Variants in APOD observed in about 807,000 individuals in gnomAD.
The protein encoded by APOD is apolipoprotein D.
Under a neutral mutation model 20.4 loss-of-function variants are expected in APOD, and 22 were observed. The observed-to-expected ratio is 1.08, with a 90% CI of 0.77 to 1.54. The LOEUF (loss-of-function observed/expected upper bound fraction) is 1.54, where lower values mean the gene tolerates loss of function less well. APOD is among the 40% of genes most tolerant of loss of function. APOD has a pLI of 0.00. For synonymous variants in APOD, 97 were observed against 92.4 expected (o/e 1.05, Z -0.29); for missense variants, 223 against 229.6 (o/e 0.97, Z 0.19).
intron 2 of APOD, among the ~76,000 whole-genome samples, chr3:195,577,910 G>C (rs1015431294): frequency 2.6e-5 from 4 of 152,216 alleles, no homozygotes; most frequent in African/African-American, 9.6e-5. Context: ...GGTTGGAGGG[G>C]AGATGGAGAC....
chr3:195,571,753 A>G (rs1311693006), intron 3 of APOD, among the ~76,000 whole-genome samples: 5 of 152,112 alleles, frequency 3.3e-5, no homozygotes, highest in Non-Finnish European at 5.9e-5. Flanking sequence ...AAAAACAAAC[A>G]AAACAACCCA....
At chr3:195,571,927 G>A (rs1335589011) in intron 3 of APOD, among the ~76,000 whole-genome samples, 2 of 152,010 alleles carry the variant, frequency 1.3e-5, no homozygotes, top group East Asian at 3.9e-4. Flanking sequence ...TTACAGGCAT[G>A]CACCACCACG....
chr3:195,569,786 G>GGTTTTTTT (rs1720126677), intron 4 of APOD, among the ~76,000 whole-genome samples: 1 of 54,054 alleles, frequency 1.8e-5, no homozygotes, highest in African/African-American at 8.4e-5. Flanking sequence ...CTTCTTCTTC[G>GGTTTTTTT]TTTTTTTTTT....
intron 3 of APOD, 29 bp downstream of exon 3, chr3:195,573,821 C>A: frequency 6.2e-7 from 1 of 1,611,202 alleles, no homozygotes; most frequent in Non-Finnish European, 8.5e-7. Context: ...ACTCCGCAGG[C>A]CTGGCCCCGG....
At chr3:195,579,314 A>G in intron 2 of APOD, 25 bp downstream of exon 2, 1 of 1,613,608 alleles carries the variant, frequency 6.2e-7, no homozygotes, top group Non-Finnish European at 8.5e-7. Flanking sequence ...GAGGCAGCAA[A>G]ACAAACGGGA....
At chr3:195,569,786 G>GGTTTTTTTTTTTTTTTTTTTTTTT (rs1720126677) in intron 4 of APOD, among the ~76,000 whole-genome samples, 1 of 54,054 alleles carries the variant, frequency 1.8e-5, no homozygotes, top group African/African-American at 8.4e-5. Flanking sequence ...CTTCTTCTTC[G>GGTTTTTTTTTTTTTTTTTTTTTTT]TTTTTTTTTT....
intron 2 of APOD, among the ~76,000 whole-genome samples, chr3:195,576,800 A>G (rs1720255707): frequency 6.6e-6 from 1 of 151,740 alleles, no homozygotes; most frequent in African/African-American, 2.4e-5. Context: ...ACAGAGCAAG[A>G]CTCTGTCACA....
chr3:195,569,804 T>TG (rs1720128630), intron 4 of APOD, among the ~76,000 whole-genome samples: 1 of 135,456 alleles, frequency 7.4e-6, no homozygotes, highest in Non-Finnish European at 1.6e-5. Context: ...TTTTTTTTTT[T>TG]TTTTTTTTTT....
At chr3:195,576,403 G>A (rs1296719673) in intron 2 of APOD, among the ~76,000 whole-genome samples, 2 of 152,184 alleles carry the variant, frequency 1.3e-5, no homozygotes, top group Non-Finnish European at 2.9e-5. Flanking sequence ...CTATCTGTTT[G>A]CAGATGACAT....
At chr3:195,575,789 G>A (rs1054728520) in intron 2 of APOD, among the ~76,000 whole-genome samples, 4 of 151,930 alleles carry the variant, frequency 2.6e-5, no homozygotes, top group Non-Finnish European at 2.9e-5. Flanking sequence ...CACCATGCCC[G>A]GCTAATTTTT....
At chr3:195,569,715 C>A (rs1198485694) in intron 4 of APOD, among the ~76,000 whole-genome samples, 1 of 151,400 alleles carries the variant, frequency 6.6e-6, no homozygotes, top group Non-Finnish European at 1.5e-5. Context: ...CAAGGCCCTT[C>A]CTAACCTCAT....
At position 195,568,837 on chromosome 3, in the gene APOD, G is replaced by GCGGGT. The variant is rs1553889309; in HGVS notation, c.*62_*63insACCCG. 1.6e-5 allele frequency: 16 copies of GCGGGT among 982,922 alleles called. No individual in the cohort carries two copies. Among genetic ancestry groups the GCGGGT allele is most frequent in the East Asian group, 1.0e-4 (4 of 38,560 alleles). The allele number at this position is 982,922 out of a possible 1,614,324, so 60.9% of individuals were successfully genotyped here. A position where few individuals can be genotyped will look rare whatever the true frequency, so the allele number is the denominator to read the frequency against. ...GTTGATTGGTTTGTCTTTATGGGGG[G>GCGGGT]GGGGTAGGGGAAAGCGAAGCAGAAG... On this transcript the variant is annotated 3_prime_UTR_variant, in exon 5 of 5. Coordinates refer to ENST00000343267, the MANE Select transcript of APOD (RefSeq NM_001647.4).
At chr3:195,580,957 T>G (rs767731301) in intron 1 of APOD, among the ~76,000 whole-genome samples, 17 of 152,234 alleles carry the variant, frequency 1.1e-4, no homozygotes, top group Non-Finnish European at 5.9e-5. Flanking sequence ...GCCTGTAGCT[T>G]GCACACGAGC....
chr3:195,570,667 A>G (rs1314310085), intron 4 of APOD: 1 of 152,990 alleles, frequency 6.5e-6, no homozygotes, highest in Non-Finnish European at 1.5e-5. Context: ...AAAGCCTCAC[A>G]GTTCTGGGTT....
At chr3:195,570,380 A>G (rs1407195513) in intron 4 of APOD, among the ~76,000 whole-genome samples, 1 of 152,204 alleles carries the variant, frequency 6.6e-6, no homozygotes, top group African/African-American at 2.4e-5. Context: ...TATCTGGTTT[A>G]TTTTCACGAC....
chr3:195,576,174 C>T (rs918772848), intron 2 of APOD, among the ~76,000 whole-genome samples: 1 of 152,198 alleles, frequency 6.6e-6, no homozygotes, highest in Non-Finnish European at 1.5e-5. Flanking sequence ...TAGACATTCT[C>T]GGAAGAAGCT....
intron 3 of APOD, among the ~76,000 whole-genome samples, chr3:195,572,553 C>T (rs1473709614): frequency 1.3e-5 from 2 of 152,106 alleles, no homozygotes; most frequent in Non-Finnish European, 2.9e-5. Context: ...GCCCCATGAA[C>T]TTGGGAGAAG....
In APOD at chr3:195,568,783, A is replaced by C; in HGVS notation, c.*117T>G. 1 of 726,728 alleles carries C rather than the reference A, an allele frequency of 1.4e-6. No homozygotes were observed. The highest frequency in any genetic ancestry group is 2.4e-6 in the Non-Finnish European group (1 of 420,296). The allele number at this position is 726,728 out of a possible 1,614,324, so 45.0% of individuals were successfully genotyped here. On this transcript the variant is annotated 3_prime_UTR_variant, in exon 5 of 5. Transcript: ENST00000343267. ...CAAGGTAACAGGGTAGGGCATGGTTACATGTTCAGGTCAACTTCCTTTGTC... is the reference window on the plus strand; with the variant it reads ...CAAGGTAACAGGGTAGGGCATGGTTCCATGTTCAGGTCAACTTCCTTTGTC...
intron 2 of APOD, among the ~76,000 whole-genome samples, chr3:195,574,232 CTG>C (rs1178942408): frequency 6.6e-6 from 1 of 152,122 alleles, no homozygotes; most frequent in African/African-American, 2.4e-5. Context: ...ATTCTAGACT[CTG>C]TAAAAAAAGG....
Sources: allele counts gnomAD v4.1 joint callset (sites outside exome capture counted in the v4.1 genomes callset), GRCh38; gene constraint gnomAD v4.1.1; transcripts MANE v1.5; gene names NCBI Gene and HGNC (gene_info 2026-07-23, HGNC 2026-07-21).